Variants in NPEPPS observed in about 807,000 individuals in gnomAD.
The protein encoded by NPEPPS is aminopeptidase puromycin sensitive.
NPEPPS carries 14 observed loss-of-function variants against 115.5 expected under a neutral mutation model. The ratio of observed to expected loss-of-function variants is 0.12; its 90% CI spans 0.08 to 0.19. NPEPPS has a LOEUF of 0.19. Among genes scored for constraint, NPEPPS ranks in the 10% least tolerant of loss-of-function variants. NPEPPS has a pLI of 1.00. For missense variants in NPEPPS, 523 were observed against 1,110.8 expected (o/e 0.47, Z 7.52); for synonymous variants, 285 against 390.6 (o/e 0.73, Z 3.19).
At position 47,621,789 on chromosome 17, in the gene NPEPPS, G is replaced by T. The variant is rs1272454413; in HGVS notation, c.2629G>T (p.Ala877Ser). Residue 877 changes from alanine to serine, a missense_variant, in exon 23 of 23, where the codon GCT (alanine) becomes TCT (serine). Ala to Ser is a moderately conservative substitution (Grantham distance 99). Around this residue, in one of 4 missense-constraint regions of NPEPPS, gnomAD observed 372 missense variants for 542.6 expected, o/e 0.69. Coordinates refer to ENST00000322157, the MANE Select transcript of NPEPPS (RefSeq NM_006310.4). ...CCAGGCTTTCTTCGAGAGTCACCCA[G>T]CTCCTTCAGCTGAGCGTACCATCCA... is the stretch of plus-strand genomic sequence containing the variant. ...EVKAFFESHP[A>S]PSAERTIQQC... The T allele has an allele frequency of 6.2e-7, 1 of 1,611,546 alleles. No homozygotes were observed. The highest frequency in any genetic ancestry group is 8.5e-7 in the Non-Finnish European group (1 of 1,178,022).
rs1202559095 is a variant in NPEPPS, at chr17:47,569,114, A to G, written c.341-303A>G. On this transcript the variant is annotated intron_variant, in intron 2 of 22. Transcript: ENST00000322157. ...TCATGAGTAAGACTGCAATATCACA[A>G]TATCATAGTCACACAGGAATCTGAT... 2.0e-5 allele frequency among the ~76,000 whole-genome samples: 3 copies of G among 152,136 alleles called. No individual in the cohort carries two copies. In the East Asian group the frequency reaches 5.8e-4, roughly 29 times the overall value.
intron 2 of NPEPPS, 50 bp downstream of exon 2, chr17:47,546,043 G>GGTGTGTGTGTGTGTGTGT (rs372434515): frequency 1.8e-6 from 2 of 1,085,576 alleles, no homozygotes; most frequent in African/African-American, 3.6e-5. Context: ...GCATATGTGG[G>GGTGTGTGTGTGTGTGTGT]GTGTGTGTGT....
At chr17:47,535,930 G>A (rs1483839468) in intron 1 of NPEPPS, among the ~76,000 whole-genome samples, 1 of 146,648 alleles carries the variant, frequency 6.8e-6, no homozygotes, top group Non-Finnish European at 1.5e-5. Context: ...TCTGCCTCCC[G>A]GGTTCAAGCA....
chr17:47,536,550 C>CCAA (rs1908296455), intron 1 of NPEPPS, among the ~76,000 whole-genome samples: 1 of 150,806 alleles, frequency 6.6e-6, no homozygotes, highest in Non-Finnish European at 1.5e-5. Flanking sequence ...TGCGTCACCA[C>CCAA]GCCCAGCTAA....
intron 1 of NPEPPS, among the ~76,000 whole-genome samples, chr17:47,524,167 C>A (rs1256340967): frequency 6.6e-6 from 1 of 151,688 alleles, no homozygotes; most frequent in African/African-American, 2.4e-5. Flanking sequence ...ATTAGCTGGG[C>A]GTGGTGGCAG....
intron 4 of NPEPPS, chr17:47,579,970 C>CAT (rs962322865): frequency 2.0e-5 from 3 of 151,760 alleles, no homozygotes; most frequent in African/African-American, 7.5e-5. Flanking sequence ...TGTGTATACA[C>CAT]ATATATATAC....
At chr17:47,619,316 C>T (rs772484800) in intron 21 of NPEPPS, 152 bp downstream of exon 21, 32 of 754,524 alleles carry the variant, frequency 4.2e-5, no homozygotes, top group Middle Eastern at 3.4e-4. Flanking sequence ...CACTTTGGGA[C>T]GCCGAGGTGG....
At chr17:47,584,286 A>C (rs1912060175) in intron 5 of NPEPPS, among the ~76,000 whole-genome samples, 1 of 152,008 alleles carries the variant, frequency 6.6e-6, no homozygotes, top group South Asian at 2.1e-4. Flanking sequence ...TAAAAAGTTA[A>C]AAAAATTCAA....
intron 1 of NPEPPS, among the ~76,000 whole-genome samples, chr17:47,532,538 C>T (rs1237874997): frequency 6.6e-6 from 1 of 151,702 alleles, no homozygotes; most frequent in East Asian, 1.9e-4. Flanking sequence ...CCTGTAATCT[C>T]AGCTACTCGG....
intron 18 of NPEPPS, among the ~76,000 whole-genome samples, 154 bp downstream of exon 18, chr17:47,612,756 C>T (rs1240500725): frequency 2.6e-5 from 4 of 151,722 alleles, no homozygotes; most frequent in Non-Finnish European, 4.4e-5. Flanking sequence ...CTCTGTCCCC[C>T]GAGTTCCAGT....
chr17:47,581,874 T>G (rs1194877370), intron 4 of NPEPPS: 1 of 152,194 alleles, frequency 6.6e-6, no homozygotes, highest in African/African-American at 2.4e-5. Context: ...TTTTGTATTT[T>G]TAGTAGAGAC....
At chr17:47,604,492 T>C (rs1288399448) in intron 16 of NPEPPS, among the ~76,000 whole-genome samples, 3 of 152,258 alleles carry the variant, frequency 2.0e-5, no homozygotes, top group African/African-American at 7.2e-5. Flanking sequence ...TATTTATATT[T>C]GGCTTTCTTC....
intron 22 of NPEPPS, 96 bp from the exon 23 acceptor site, chr17:47,621,672 A>G (rs1914581614): frequency 1.8e-6 from 2 of 1,095,334 alleles, no homozygotes; most frequent in Non-Finnish European, 2.6e-6. Context: ...AAGATTATGC[A>G]TCCTTCATAT....
intron 2 of NPEPPS, among the ~76,000 whole-genome samples, chr17:47,562,029 G>T (rs1300249429): frequency 1.3e-5 from 2 of 152,266 alleles, no homozygotes; most frequent in Non-Finnish European, 2.9e-5. Context: ...GGGTCCTGGA[G>T]GGTGGTGCAC....
intron 15 of NPEPPS, among the ~76,000 whole-genome samples, chr17:47,602,138 G>A (rs775982814): frequency 5.3e-5 from 8 of 151,996 alleles, no homozygotes; most frequent in Non-Finnish European, 8.8e-5. Context: ...CATAATAATC[G>A]GTTCGTGTCA....
chr17:47,608,499 G>A (rs1008312812), intron 17 of NPEPPS, among the ~76,000 whole-genome samples: 3 of 149,476 alleles, frequency 2.0e-5, no homozygotes, highest in Non-Finnish European at 4.4e-5. Flanking sequence ...ATCATATCAC[G>A]CATGTGGCTC....
At chr17:47,535,733 C>A (rs1211674180) in intron 1 of NPEPPS, among the ~76,000 whole-genome samples, 1 of 150,102 alleles carries the variant, frequency 6.7e-6, no homozygotes, top group Non-Finnish European at 1.5e-5. Flanking sequence ...TTGATCCTCT[C>A]CGTTTGTGGA....
rs560688699 is a variant in NPEPPS, at chr17:47,552,932, G to A, written c.340+6939G>A. Among the ~76,000 whole-genome samples, 9 of 152,250 alleles carry A rather than the reference G, an allele frequency of 5.9e-5. No individual in the cohort carries two copies. In the South Asian group the frequency reaches 1.9e-3, roughly 32 times the overall value. On this transcript the variant is annotated intron_variant, in intron 2 of 22. Coordinates refer to ENST00000322157, the MANE Select transcript of NPEPPS (RefSeq NM_006310.4). The stretch of plus-strand genomic sequence containing the variant: ...ACTTTAGGTAATAAAACTGATAAAT[G>A]TTAGAGCCAGGATTCAAACCCAGGC...
intron 12 of NPEPPS, chr17:47,596,113 A>G (rs1247544185): frequency 1.5e-5 from 5 of 326,422 alleles, no homozygotes; most frequent in South Asian, 1.4e-4. Flanking sequence ...TGATTATGCC[A>G]CTGCACTCTA....
Sources: allele counts gnomAD v4.1 joint callset (sites outside exome capture counted in the v4.1 genomes callset), GRCh38; gene constraint gnomAD v4.1.1; regional missense constraint gnomAD v4.1.1; transcripts MANE v1.5; gene names NCBI Gene and HGNC (gene_info 2026-07-23, HGNC 2026-07-21).